SENP1: variants seen among roughly 807,000 people sequenced by gnomAD.
The protein encoded by SENP1 is SUMO specific peptidase 1.
In SENP1, 21 loss-of-function variants were observed where a neutral mutation model predicts 93.0. That is an observed-to-expected ratio of 0.23 (90% CI 0.16 to 0.33). SENP1 has a LOEUF of 0.33. Among genes scored for constraint, SENP1 ranks in the 10% least tolerant of loss-of-function variants. The pLI is 1.00. For missense variants in SENP1, 591 were observed against 758.7 expected (o/e 0.78, Z 2.60); for synonymous variants, 256 against 259.6 (o/e 0.99, Z 0.13).
At chr12:48,064,945 G>A in intron 12 of SENP1, 120 bp downstream of exon 12, 1 of 685,216 alleles carries the variant, frequency 1.5e-6, no homozygotes, top group Non-Finnish European at 2.5e-6. Context: ...CCAAAGTGAT[G>A]GGATTACAGG....
intron 1 of SENP1, among the ~76,000 whole-genome samples, chr12:48,102,433 A>C (rs1946008897): frequency 3.2e-5 from 3 of 92,712 alleles, no homozygotes; most frequent in Non-Finnish European, 7.0e-5. Flanking sequence ...CTCTGTCTCA[A>C]AAAAAAAAAA....
chr12:48,102,437 A>C (rs1429609712), intron 1 of SENP1, among the ~76,000 whole-genome samples: 1 of 149,188 alleles, frequency 6.7e-6, no homozygotes, highest in Non-Finnish European at 1.5e-5. Flanking sequence ...GTCTCAAAAA[A>C]AAAAAAAAAA....
intron 8 of SENP1, among the ~76,000 whole-genome samples, chr12:48,072,086 T>A (rs1391428364): frequency 1.3e-5 from 2 of 152,226 alleles, no homozygotes; most frequent in African/African-American, 4.8e-5. Flanking sequence ...TTTTGGTTTC[T>A]ATGGTTTCAG....
chr12:48,101,844 C>T (rs879413903), intron 1 of SENP1, among the ~76,000 whole-genome samples: 2 of 152,134 alleles, frequency 1.3e-5, no homozygotes, highest in African/African-American at 4.8e-5. Flanking sequence ...GCAACTACAC[C>T]GAAATTATAA....
intron 2 of SENP1, among the ~76,000 whole-genome samples, chr12:48,099,523 A>G (rs1945780877): frequency 6.6e-6 from 1 of 152,146 alleles, no homozygotes; most frequent in African/African-American, 2.4e-5. Context: ...TGCTTTAAGA[A>G]GTAATCCACC....
intron 6 of SENP1, among the ~76,000 whole-genome samples, chr12:48,077,539 T>C (rs1285912466): frequency 6.6e-6 from 1 of 152,208 alleles, no homozygotes; most frequent in Admixed American, 6.5e-5. Context: ...TCTGTAGTCC[T>C]AGCACCTTTG....
intron 13 of SENP1, among the ~76,000 whole-genome samples, chr12:48,055,992 ATTAT>A (rs1469213627): frequency 3.0e-5 from 4 of 131,332 alleles, no homozygotes; most frequent in Admixed American, 1.6e-4. Flanking sequence ...CATGATATAT[ATTAT>A]TTAATATATA....
At chr12:48,071,622 ATATAT>A (rs1287640968) in intron 9 of SENP1, 40 bp downstream of exon 9, 2 of 1,345,632 alleles carry the variant, frequency 1.5e-6, no homozygotes, top group Non-Finnish European at 2.1e-6. Flanking sequence ...TCTCAAAAAG[ATATAT>A]TAATTAATTA....
rs146334866 is a variant in SENP1, at chr12:48,101,061, C to T, written c.4+408G>A. Among the ~76,000 whole-genome samples, 266 of 152,018 alleles carry T rather than the reference C, an allele frequency of 1.7e-3. 1 individual carries two copies. Among genetic ancestry groups the T allele is most frequent in the African/African-American group, 6.1e-3 (255 of 41,476 alleles). Reference sequence around the variant, plus strand: ...AGCACTTTGAGAGGCTGAGGTGGGCCGATCACCTGAGGTCAGGGGTTTGAG... The same window carrying T: ...AGCACTTTGAGAGGCTGAGGTGGGCTGATCACCTGAGGTCAGGGGTTTGAG... On this transcript the variant is annotated intron_variant, in intron 2 of 17. Transcript: ENST00000549518.
intron 1 of SENP1, among the ~76,000 whole-genome samples, chr12:48,104,283 G>GGAGA (rs1183383852): frequency 6.3e-5 from 7 of 111,060 alleles, no homozygotes; most frequent in South Asian, 3.4e-4. Flanking sequence ...GCGGAGGGAG[G>GGAGA]GAGAGAGAGA....
intron 13 of SENP1, among the ~76,000 whole-genome samples, chr12:48,060,333 A>G (rs549444502): frequency 6.6e-6 from 1 of 152,198 alleles, no homozygotes; most frequent in Non-Finnish European, 1.5e-5. Context: ...ATGCCTTTTA[A>G]AACAATCCTT....
intron 6 of SENP1, among the ~76,000 whole-genome samples, chr12:48,082,485 T>C (rs1368979335): frequency 6.6e-6 from 1 of 152,168 alleles, no homozygotes; most frequent in Non-Finnish European, 1.5e-5. Context: ...AACATGACTA[T>C]TACCTCATCT....
intron 8 of SENP1, among the ~76,000 whole-genome samples, chr12:48,073,272 G>C (rs1943838592): frequency 1.4e-5 from 2 of 146,558 alleles, no homozygotes; most frequent in South Asian, 2.1e-4. Context: ...AAGGAGTTTG[G>C]GTTTTTTGGC....
intron 2 of SENP1, among the ~76,000 whole-genome samples, chr12:48,098,597 C>CGT (rs1047940294): frequency 3.6e-4 from 53 of 148,930 alleles, no homozygotes; most frequent in African/African-American, 1.2e-3. Flanking sequence ...GGGCCAAGAT[C>CGT]GTGCCACTGC....
intron 5 of SENP1, 66 bp downstream of exon 5, chr12:48,088,735 T>C: frequency 7.0e-7 from 1 of 1,438,600 alleles, no homozygotes; most frequent in Non-Finnish European, 9.6e-7. Flanking sequence ...AATAACTATC[T>C]ACCTTTTAGT....
chr12:48,053,502 A>G (rs1439230349), intron 13 of SENP1, among the ~76,000 whole-genome samples: 1 of 149,208 alleles, frequency 6.7e-6, no homozygotes, highest in African/African-American at 2.5e-5. Context: ...AAAAAAAAAG[A>G]ATGTTCATCA....
intron 8 of SENP1, among the ~76,000 whole-genome samples, chr12:48,073,465 G>C (rs570844245): frequency 6.6e-6 from 1 of 151,690 alleles, no homozygotes; most frequent in Non-Finnish European, 1.5e-5. Flanking sequence ...GGAAAGACTA[G>C]TGCTCCATCT....
rs1054843584 is a variant in SENP1 at position 48,086,678 on chromosome 12, C to T, written c.380+2123G>A. ...TGATTTTTTGACAAAATAATGATAC[C>T]ACGAGGAAGCAACCTGCCAAATCCA... On this transcript the variant is annotated intron_variant, in intron 5 of 17. Coordinates refer to ENST00000549518, the MANE Select transcript of SENP1 (RefSeq NM_001267594.2). Among the ~76,000 whole-genome samples, 7 of 151,826 alleles carry T rather than the reference C, an allele frequency of 4.6e-5. No homozygotes were observed. In the South Asian group the frequency reaches 1.3e-3, roughly 27 times the overall value.
chr12:48,103,809 C>A (rs776951341), intron 1 of SENP1, among the ~76,000 whole-genome samples: 8 of 152,012 alleles, frequency 5.3e-5, no homozygotes, highest in Non-Finnish European at 1.2e-4. Context: ...CCTGAAAGAA[C>A]AAAAAAGATC....
Sources: gnomAD v4.1 joint callset for allele counts (sites outside exome capture counted in the v4.1 genomes callset) on GRCh38, gnomAD v4.1.1 for gene constraint, MANE v1.5 for transcripts, NCBI Gene and HGNC (gene_info 2026-07-23, HGNC 2026-07-21) for gene names.